Variants in FGFR1 observed in about 807,000 individuals in gnomAD.
FGFR1 encodes FGFR1/PLAG1 fusion.
Under a neutral mutation model 93.7 loss-of-function variants are expected in FGFR1, and 18 were observed. That is an observed-to-expected ratio of 0.19 (90% CI 0.13 to 0.28). The LOEUF is 0.28. Among genes scored for constraint, FGFR1 ranks in the 10% least tolerant of loss-of-function variants. FGFR1 has a pLI of 1.00. For synonymous variants in FGFR1, 448 were observed against 429.3 expected (o/e 1.04, Z -0.54); for missense variants, 731 against 1,080.4 (o/e 0.68, Z 4.53).
chr8:38,433,913 T>C (rs1263043262), intron 2 of FGFR1, among the ~76,000 whole-genome samples: 1 of 152,206 alleles, frequency 6.6e-6, no homozygotes, highest in Admixed American at 6.5e-5. Flanking sequence ...TGACCCATAG[T>C]AGTCACTCCT....
In FGFR1 at chr8:38,427,991, G is replaced by C; in HGVS notation, c.551C>G (p.Pro184Arg). 6.2e-7 allele frequency: 1 copy of C among 1,614,250 alleles called. No individual in the cohort carries two copies. ...VKFKCPSSGT[P>R]NPTLRWLKNG... The stretch of plus-strand genomic sequence containing the variant: ...TTTCAACCAGCGCAGTGTGGGGTTT[G>C]GGGTCCCACTGGAAGGGCATTTGAA... Residue 184 changes from proline to arginine, a missense_variant, in exon 5 of 18, where the codon CCA becomes CGA. By Grantham distance (103) the Pro-to-Arg change is moderately radical. Around this residue, in one of 10 missense-constraint regions of FGFR1, gnomAD observed 109 missense variants for 249.4 expected, o/e 0.44. Transcript: ENST00000447712.
chr8:38,422,800 C>A, intron 7 of FGFR1: 1 of 541,238 alleles, frequency 1.8e-6, no homozygotes, highest in Non-Finnish European at 3.3e-6. Flanking sequence ...TCACATGGAT[C>A]CACACAAAGC....
At chr8:38,425,794 G>C (rs1222743836) in intron 6 of FGFR1, among the ~76,000 whole-genome samples, 9 of 152,186 alleles carry the variant, frequency 5.9e-5, no homozygotes, top group South Asian at 2.1e-4. Flanking sequence ...AAGGAGCCTG[G>C]CATCTTGCTA....
chr8:38,434,529 TCAC>T, intron 2 of FGFR1: 1 of 332,938 alleles, frequency 3.0e-6, no homozygotes, highest in Non-Finnish European at 5.9e-6. Flanking sequence ...CTCTGAACCT[TCAC>T]CACAAGGAGA....
At chr8:38,459,590 GAATT>G (rs1833861019) in intron 1 of FGFR1, among the ~76,000 whole-genome samples, 1 of 152,096 alleles carries the variant, frequency 6.6e-6, no homozygotes, top group African/African-American at 2.4e-5. Flanking sequence ...CTATAGTGAG[GAATT>G]AATTCATTCC....
rs1163815415 is a variant in FGFR1, at chr8:38,421,794, T to C, written c.1081+3A>G. The C allele has an allele frequency of 2.5e-6, 4 of 1,613,938 alleles. No homozygotes were observed. ...CATCGAGAGGAGAAGTTACAGTGTG[T>C]ACCTTCCAGAACGGTCAACCATGCA... On this transcript the variant is annotated splice_donor_region_variant and intron_variant, in intron 8 of 17. Transcript: ENST00000447712.
intron 9 of FGFR1, among the ~76,000 whole-genome samples, chr8:38,418,863 G>A (rs1038818801): frequency 7.9e-5 from 12 of 152,190 alleles, no homozygotes; most frequent in Non-Finnish European, 1.3e-4. Context: ...TGGTTTGGCT[G>A]TGTCCCCACC....
chr8:38,436,946 G>C (rs1203290974), intron 2 of FGFR1, among the ~76,000 whole-genome samples: 1 of 152,140 alleles, frequency 6.6e-6, no homozygotes, highest in African/African-American at 2.4e-5. Context: ...GCAGTTCTGG[G>C]ATCTTGGCTC....
chr8:38,441,228 G>C (rs1345185339), intron 2 of FGFR1, among the ~76,000 whole-genome samples: 1 of 152,214 alleles, frequency 6.6e-6, no homozygotes, highest in Non-Finnish European at 1.5e-5. Flanking sequence ...TGAGAACTGA[G>C]TTTGGGGCTC....
intron 2 of FGFR1, among the ~76,000 whole-genome samples, chr8:38,448,959 G>GGATTACA (rs1830242518): frequency 6.6e-6 from 1 of 151,868 alleles, no homozygotes; most frequent in African/African-American, 2.4e-5. Flanking sequence ...CATCTCAAAA[G>GGATTACA]GGCATGGTGG....
intron 2 of FGFR1, among the ~76,000 whole-genome samples, chr8:38,432,410 A>ATTTT (rs34918365): frequency 1.5e-5 from 2 of 135,934 alleles, no homozygotes; most frequent in Non-Finnish European, 3.2e-5. Context: ...CTCGGGATAA[A>ATTTT]TTTTTTTTTT....
chr8:38,441,792 G>T (rs1213661328), intron 2 of FGFR1, among the ~76,000 whole-genome samples: 2 of 152,192 alleles, frequency 1.3e-5, no homozygotes, highest in Admixed American at 6.5e-5. Flanking sequence ...GGTGAAGACA[G>T]AAACTCCTGT....
rs772190316 is a variant in FGFR1, at chr8:38,418,182, C to T, written c.1430+46G>A. ...TACACACCTTCCACCACTAGAATAG[C>T]AAGCAAGGAATGCCTTCAAAAAGTT... On this transcript the variant is annotated intron_variant, in intron 10 of 17. Transcript: ENST00000447712. The T allele has an allele frequency of 8.7e-6, 14 of 1,613,810 alleles. No homozygotes were observed. The African/African-American group carries it at 1.6e-4, about 18-fold the overall frequency.
intron 13 of FGFR1, 62 bp downstream of exon 13, chr8:38,415,808 G>C (rs1005462199): frequency 6.6e-7 from 1 of 1,522,080 alleles, no homozygotes. Context: ...TCACAGGCTG[G>C]AAGACTAGGG....
At chr8:38,464,608 A>AC (rs1164724092) in intron 1 of FGFR1, among the ~76,000 whole-genome samples, 2 of 152,194 alleles carry the variant, frequency 1.3e-5, no homozygotes, top group African/African-American at 4.8e-5. Flanking sequence ...CTCTGGAAAC[A>AC]CCAGAATCTT....
intron 2 of FGFR1, among the ~76,000 whole-genome samples, chr8:38,452,984 T>A (rs146396830): frequency 2.1e-3 from 325 of 151,740 alleles, no homozygotes; most frequent in East Asian, 0.014. Flanking sequence ...TCAAATAAAT[T>A]AATTAATTAA....
At chr8:38,447,120 C>T (rs1040890164) in intron 2 of FGFR1, among the ~76,000 whole-genome samples, 44 of 148,226 alleles carry the variant, frequency 3.0e-4, no homozygotes, top group Non-Finnish European at 4.4e-4. Flanking sequence ...CACACACACA[C>T]ACACACACAC....
chr8:38,447,733 G>A (rs759621321), intron 2 of FGFR1, among the ~76,000 whole-genome samples: 17 of 152,056 alleles, frequency 1.1e-4, no homozygotes, highest in Non-Finnish European at 2.2e-4. Flanking sequence ...TGCCTGCCTC[G>A]GCCTCCCAAA....
At chr8:38,443,917 G>A (rs1385053840) in intron 2 of FGFR1, among the ~76,000 whole-genome samples, 2 of 151,860 alleles carry the variant, frequency 1.3e-5, no homozygotes, top group Non-Finnish European at 2.9e-5. Flanking sequence ...GCCAGGTGTG[G>A]TGGCGAATGC....
Sources: gnomAD v4.1 joint callset for allele counts (sites outside exome capture counted in the v4.1 genomes callset) on GRCh38, gnomAD v4.1.1 for gene constraint, gnomAD v4.1.1 regional missense constraint, MANE v1.5 for transcripts, NCBI Gene and HGNC (gene_info 2026-07-23, HGNC 2026-07-21) for gene names.